The following GFM1 variants were observed in gnomAD, a reference collection of about 807,000 sequenced individuals.
GFM1 encodes elongation factor G, mitochondrial.
A neutral mutation model predicts 96.2 loss-of-function variants in GFM1; 62 were observed. That is an observed-to-expected ratio of 0.64 (90% CI 0.53 to 0.80). The LOEUF is 0.80. Ranked by LOEUF, GFM1 falls within the 30% of genes least tolerant of loss-of-function variation. The pLI, the probability that GFM1 is intolerant of heterozygous loss-of-function variation, is 0.00. For missense variants in GFM1, 852 were observed against 916.6 expected (o/e 0.93, Z 0.91); for synonymous variants, 282 against 312.9 (o/e 0.90, Z 1.04).
intron 13 of GFM1, among the ~76,000 whole-genome samples, chr3:158,676,764 A>G (rs1724929782): frequency 6.6e-6 from 1 of 150,960 alleles, no homozygotes; most frequent in South Asian, 2.1e-4. Context: ...CAGTGGTGCA[A>G]TCTCAGCTAA....
chr3:158,646,025 A>G lies in GFM1; in HGVS notation c.235-140A>G, dbSNP rs1721756865. On this transcript the variant is annotated intron_variant, in intron 2 of 17. Coordinates refer to ENST00000486715, the MANE Select transcript of GFM1 (RefSeq NM_024996.7). ...CTCAAACTCTTGGGCTCAAATTATC[A>G]TCCTGCCTCAGTCTCCCACAGTGCT... is the stretch of plus-strand genomic sequence containing the variant. The G allele has an allele frequency of 7.3e-6, 8 of 1,096,134 alleles. No homozygotes were observed. In the South Asian group the frequency reaches 1.0e-4, roughly 14 times the overall value. The allele number at this position is 1,096,134 out of a possible 1,614,324, so 67.9% of individuals were successfully genotyped here. A position where few individuals can be genotyped will look rare whatever the true frequency, so the allele number is the denominator to read the frequency against.
At chr3:158,690,052 G>A (rs994268513) in intron 15 of GFM1, 111 bp from the exon 16 acceptor site, 42 of 915,240 alleles carry the variant, frequency 4.6e-5, no homozygotes, top group South Asian at 1.5e-4. Context: ...TAACCTTGCC[G>A]TTTGTGTTTG....
intron 12 of GFM1, 88 bp downstream of exon 12, chr3:158,665,562 A>C (rs1723595606): frequency 1.7e-6 from 2 of 1,195,738 alleles, no homozygotes; most frequent in Admixed American, 1.8e-5. Context: ...AATGTCTGTA[A>C]CTAACTCTGG....
At chr3:158,668,138 T>A (rs1380165363) in intron 13 of GFM1, among the ~76,000 whole-genome samples, 1 of 152,202 alleles carries the variant, frequency 6.6e-6, no homozygotes, top group Non-Finnish European at 1.5e-5. Context: ...TTAGTATCCA[T>A]GGAGGATTGG....
In GFM1 at chr3:158,652,024, CAT is replaced by C. The variant is rs374061938; in HGVS notation, c.690-67_690-66del. ...CTAAAAAAATATTTTAACCATTAAT[CAT>C]ATATTTTTCATTAGTCCTTCATATA... On this transcript the variant is annotated intron_variant, in intron 5 of 17. Coordinates refer to ENST00000486715, the MANE Select transcript of GFM1 (RefSeq NM_024996.7). 4.1e-4 allele frequency: 529 copies of C among 1,292,496 alleles called. 5 individuals are homozygous for C. The South Asian group carries it at 6.1e-3, about 15-fold the overall frequency. The allele number at this position is 1,292,496 out of a possible 1,614,324, so 80.1% of individuals were successfully genotyped here.
chr3:158,689,000 G>C (rs1029838046), intron 15 of GFM1, among the ~76,000 whole-genome samples: 2 of 152,136 alleles, frequency 1.3e-5, no homozygotes, highest in African/African-American at 4.8e-5. Context: ...TGGAAAACCT[G>C]TGATTATATT....
At chr3:158,689,272 A>G (rs374422557) in intron 15 of GFM1, among the ~76,000 whole-genome samples, 14 of 152,332 alleles carry the variant, frequency 9.2e-5, no homozygotes, top group East Asian at 5.8e-4. Flanking sequence ...AAATGGCCCA[A>G]TCTAGTCCGG....
chr3:158,691,508 G>C lies in GFM1; in HGVS notation c.*41G>C. 1 of 1,609,170 alleles carries C rather than the reference G, an allele frequency of 6.2e-7. No homozygotes were observed. The highest frequency in any genetic ancestry group is 8.5e-7 in the Non-Finnish European group (1 of 1,177,224). On this transcript the variant is annotated 3_prime_UTR_variant, in exon 18 of 18. Transcript: ENST00000486715. ...GTTGACTGACTCTAATTGAATCTGC[G>C]TGGTTTTGATACTTTGATGGATTCC...
Position 158,644,695 on chromosome 3 carries a change from C to G in GFM1, c.61C>G (p.Leu21Val). The G allele has an allele frequency of 6.3e-7, 1 of 1,578,832 alleles. No homozygotes were observed. ...GGGGCGCGGAAGGGCCCCCGCCTCC[C>G]TAGGCTGGCAGAGGAAGCAGGTACC... The part of the protein sequence containing the change: ...ALGRGRAPAS[L>V]GWQRKQVNWK... The change falls in exon 1 of 18, where the codon CTA (leucine) becomes GTA (valine). Residue 21 changes from leucine to valine, a missense_variant. Transcript: ENST00000486715.
chr3:158,669,283 C>T, intron 13 of GFM1: 1 of 1,200,748 alleles, frequency 8.3e-7, no homozygotes, highest in South Asian at 1.5e-5. Flanking sequence ...TCTGAGGCCT[C>T]TTTTTTGTTG....
intron 13 of GFM1, among the ~76,000 whole-genome samples, chr3:158,673,005 A>G (rs1299202648): frequency 6.6e-6 from 1 of 152,156 alleles, no homozygotes; most frequent in African/African-American, 2.4e-5. Context: ...TGGCAGGGCA[A>G]GGTACACAGT....
Position 158,684,623 on chromosome 3 carries a change from A to G in GFM1, c.1864A>G (p.Asn622Asp). 1 of 1,614,070 alleles carries G rather than the reference A, an allele frequency of 6.2e-7. No individual in the cohort carries two copies. The highest frequency in any genetic ancestry group is 8.5e-7 in the Non-Finnish European group (1 of 1,179,988). ...QDGAHHMVDS[N>D]EISFIRAGEG... ...TGGAGCACACCACATGGTTGATTCT[A>G]ATGAAATCTCTTTCATCCGAGCAGG... Residue 622 changes from asparagine to aspartate, a missense_variant, in exon 15 of 18, where the codon AAT (asparagine) becomes GAT (aspartate). By Grantham distance (23) the Asn-to-Asp change is conservative. Coordinates refer to ENST00000486715, the MANE Select transcript of GFM1 (RefSeq NM_024996.7).
rs549842573 is a variant in GFM1 at position 158,678,389 on chromosome 3, C to T, written c.1602-3606C>T. On this transcript the variant is annotated intron_variant, in intron 13 of 17. Coordinates refer to ENST00000486715, the MANE Select transcript of GFM1 (RefSeq NM_024996.7). Reference sequence around the variant, plus strand: ...AACCTTCTAGAAAGGCTTCACCATTCTAGATGCCATTAAGAACATTTGTGA... The same window carrying T: ...AACCTTCTAGAAAGGCTTCACCATTTTAGATGCCATTAAGAACATTTGTGA... Among the ~76,000 whole-genome samples, 5 of 152,288 alleles carry T rather than the reference C, an allele frequency of 3.3e-5. No homozygotes were observed. In the South Asian group the frequency reaches 8.3e-4, roughly 25 times the overall value.
Position 158,660,988 on chromosome 3 carries a change from A to G in GFM1, c.1323+13A>G. 6.3e-7 allele frequency: 1 copy of G among 1,589,196 alleles called. No homozygotes were observed. The highest frequency in any genetic ancestry group is 8.6e-7 in the Non-Finnish European group (1 of 1,157,242). On this transcript the variant is annotated intron_variant, in intron 10 of 17. Coordinates refer to ENST00000486715, the MANE Select transcript of GFM1 (RefSeq NM_024996.7). ...CGGCCTTTCTATGGTAAGCCATTTA[A>G]TTTCAAAGCTACTTATCACTAGAAT...
intron 3 of GFM1, 60 bp from the exon 4 acceptor site, chr3:158,646,683 G>C (rs1390653142): frequency 7.4e-7 from 1 of 1,356,284 alleles, no homozygotes; most frequent in Non-Finnish European, 1.0e-6. Flanking sequence ...ACTTCTAATA[G>C]TGCATATATT....
chr3:158,667,615 G>A (rs1723839737), intron 13 of GFM1, among the ~76,000 whole-genome samples: 1 of 152,116 alleles, frequency 6.6e-6, no homozygotes. Context: ...GTGAAACCAT[G>A]TCTCTATGAG....
chr3:158,668,351 G>A (rs1000319395), intron 13 of GFM1, among the ~76,000 whole-genome samples: 1 of 151,938 alleles, frequency 6.6e-6, no homozygotes, highest in Admixed American at 6.6e-5. Context: ...AAAAATCTGT[G>A]CATGTTCAGT....
Position 158,644,578 on chromosome 3 carries a change from A to ACCGGCAGCTGAACCCAC in GFM1, c.-51_-35dup. ...GACTTTGACCGCTTCCCGGTGCGTTACCGGCAGCTGAACCCACCCGGCGCC... is the reference window on the plus strand; with the variant it reads ...GACTTTGACCGCTTCCCGGTGCGTTACCGGCAGCTGAACCCACCCGGCAGCTGAACCCACCCGGCGCC... On this transcript the variant is annotated 5_prime_UTR_variant, in exon 1 of 18. Transcript: ENST00000486715. 2.1e-6 allele frequency: 3 copies of ACCGGCAGCTGAACCCAC among 1,430,120 alleles called. No individual in the cohort carries two copies. Among genetic ancestry groups the ACCGGCAGCTGAACCCAC allele is most frequent in the Non-Finnish European group, 2.9e-6 (3 of 1,039,606 alleles). The allele number at this position is 1,430,120 out of a possible 1,614,324, so 88.6% of individuals were successfully genotyped here. A position where few individuals can be genotyped will look rare whatever the true frequency, so the allele number is the denominator to read the frequency against.
intron 7 of GFM1, among the ~76,000 whole-genome samples, chr3:158,653,972 G>C (rs1722515949): frequency 6.6e-6 from 1 of 152,054 alleles, no homozygotes; most frequent in South Asian, 2.1e-4. Context: ...CCAGGAGGCT[G>C]AGGCAGGAGA....
Sources: allele counts gnomAD v4.1 joint callset (sites outside exome capture counted in the v4.1 genomes callset), GRCh38; gene constraint gnomAD v4.1.1; transcripts MANE v1.5; gene names NCBI Gene and HGNC (gene_info 2026-07-23, HGNC 2026-07-21).